MARCHF1: variants seen among roughly 807,000 people sequenced by gnomAD.
The protein encoded by MARCHF1 is E3 ubiquitin-protein ligase MARCHF1.
Under a neutral mutation model 54.2 loss-of-function variants are expected in MARCHF1, and 40 were observed. That is an observed-to-expected ratio of 0.74 (90% confidence interval 0.57 to 0.96). The LOEUF is 0.96. MARCHF1 is among the 40% of genes least tolerant of loss of function. MARCHF1 has a pLI of 0.00. For synonymous variants in MARCHF1, 236 were observed against 236.3 expected (o/e 1.00, Z 0.01); for missense variants, 586 against 656.5 (o/e 0.89, Z 1.17).
chr4:164,371,711 G>C (rs1731041700), intron 1 of MARCHF1, among the ~76,000 whole-genome samples: 1 of 152,122 alleles, frequency 6.6e-6, no homozygotes, highest in African/African-American at 2.4e-5. Flanking sequence ...CAAAAAGTTT[G>C]ATAATACGTT....
chr4:164,014,985 C>T (rs1318699763), intron 2 of MARCHF1, among the ~76,000 whole-genome samples: 1 of 152,064 alleles, frequency 6.6e-6, no homozygotes, highest in Non-Finnish European at 1.5e-5. Flanking sequence ...GACAGAAAAT[C>T]AACAAAGAGA....
chr4:164,147,072 A>C (rs1712905483), intron 1 of MARCHF1, among the ~76,000 whole-genome samples: 1 of 152,134 alleles, frequency 6.6e-6, no homozygotes, highest in East Asian at 1.9e-4. Flanking sequence ...CACATGAAAA[A>C]ATGCTCACCA....
intron 3 of MARCHF1, among the ~76,000 whole-genome samples, chr4:163,877,162 G>C (rs929972816): frequency 6.6e-6 from 1 of 152,072 alleles, no homozygotes; most frequent in African/African-American, 2.4e-5. Context: ...AGCATTATTT[G>C]TAAGCTTCTT....
At chr4:163,808,614 T>G (rs1274407181) in intron 4 of MARCHF1, among the ~76,000 whole-genome samples, 2 of 152,170 alleles carry the variant, frequency 1.3e-5, no homozygotes, top group East Asian at 3.9e-4. Flanking sequence ...TGTCACCCAG[T>G]CTGGAGTGCA....
chr4:164,022,347 T>TGGTTTACC (rs1212063819), intron 2 of MARCHF1, among the ~76,000 whole-genome samples: 3 of 152,148 alleles, frequency 2.0e-5, no homozygotes, highest in Admixed American at 1.3e-4. Context: ...GACCAAAATA[T>TGGTTTACC]AGAGTAAACC....
intron 7 of MARCHF1, among the ~76,000 whole-genome samples, chr4:163,594,411 C>T (rs1432744240): frequency 1.3e-5 from 2 of 151,132 alleles, no homozygotes; most frequent in African/African-American, 2.4e-5. Context: ...TATAATAATA[C>T]AATTAATTAC....
At chr4:164,046,896 G>A (rs1754254935) in intron 2 of MARCHF1, among the ~76,000 whole-genome samples, 1 of 152,132 alleles carries the variant, frequency 6.6e-6, no homozygotes, top group Non-Finnish European at 1.5e-5. Flanking sequence ...ATAGTGGAGA[G>A]TTGGGAAATG....
chr4:163,576,604 G>A (rs571358254), intron 8 of MARCHF1, among the ~76,000 whole-genome samples: 6 of 152,086 alleles, frequency 3.9e-5, no homozygotes, highest in African/African-American at 7.2e-5. Context: ...TTAATTTTCT[G>A]CCTCAATTAT....
In MARCHF1 at chr4:164,349,916, A is replaced by G. The variant is rs530283384; in HGVS notation, c.-323+33954T>C. On this transcript the variant is annotated intron_variant, in intron 1 of 9. Coordinates refer to ENST00000514618, the MANE Select transcript of MARCHF1 (RefSeq NM_001394959.1). ...TAGTGGTTAAAAAACTTACCTTTTG[A>G]AGTCAGAAACATGAAAGCTGGAATT... Among the ~76,000 whole-genome samples the G allele has an allele frequency of 3.9e-4, 59 of 152,186 alleles. 2 individuals are homozygous for G. The highest frequency in any genetic ancestry group is 1.0e-4 in the Non-Finnish European group (7 of 68,016).
intron 1 of MARCHF1, among the ~76,000 whole-genome samples, chr4:164,219,382 A>C (rs1477597877): frequency 6.6e-6 from 1 of 152,164 alleles, no homozygotes; most frequent in Non-Finnish European, 1.5e-5. Flanking sequence ...TTTTCATCTC[A>C]TCTAAAACCA....
At chr4:164,368,047 A>T (rs572853126) in intron 1 of MARCHF1, among the ~76,000 whole-genome samples, 1 of 37,528 alleles carries the variant, frequency 2.7e-5, no homozygotes, top group East Asian at 1.5e-3. Flanking sequence ...AAAAAGATTT[A>T]AAAAAAGACA....
At chr4:164,006,419 AGAG>A (rs1327803212) in intron 2 of MARCHF1, among the ~76,000 whole-genome samples, 2 of 152,012 alleles carry the variant, frequency 1.3e-5, no homozygotes. Context: ...ATACACAGTC[AGAG>A]GAGAAAAATG....
chr4:164,318,975 A>G (rs1322408482), intron 1 of MARCHF1, among the ~76,000 whole-genome samples: 5 of 152,202 alleles, frequency 3.3e-5, no homozygotes, highest in African/African-American at 1.2e-4. Flanking sequence ...TCTGCTTGAC[A>G]TTATAAAATA....
chr4:164,338,775 C>A (rs996724182), intron 1 of MARCHF1, among the ~76,000 whole-genome samples: 2 of 152,056 alleles, frequency 1.3e-5, no homozygotes, highest in Non-Finnish European at 2.9e-5. Flanking sequence ...GAGTTTGAGA[C>A]CAGCCTTACC....
chr4:164,117,393 C>A (rs989254493), intron 1 of MARCHF1, among the ~76,000 whole-genome samples: 5 of 151,892 alleles, frequency 3.3e-5, no homozygotes, highest in Non-Finnish European at 5.9e-5. Flanking sequence ...ATACAAGTTA[C>A]CTAGGAACAT....
chr4:163,696,226 G>A (rs1192741335), intron 5 of MARCHF1, among the ~76,000 whole-genome samples: 1 of 152,038 alleles, frequency 6.6e-6, no homozygotes, highest in Non-Finnish European at 1.5e-5. Flanking sequence ...ATAATATATG[G>A]TACAAAGATC....
At chr4:164,226,441 T>A (rs1016660103) in intron 1 of MARCHF1, among the ~76,000 whole-genome samples, 1 of 151,332 alleles carries the variant, frequency 6.6e-6, no homozygotes, top group African/African-American at 2.4e-5. Flanking sequence ...CAACTGAAAG[T>A]CACAAGTAGT....
intron 8 of MARCHF1, among the ~76,000 whole-genome samples, chr4:163,570,670 C>T (rs929492142): frequency 6.6e-6 from 1 of 152,078 alleles, no homozygotes; most frequent in Non-Finnish European, 1.5e-5. Flanking sequence ...GCCTTCAGAC[C>T]TCTTTTGTTT....
chr4:164,285,488 G>C (rs1427905523), intron 1 of MARCHF1, among the ~76,000 whole-genome samples: 1 of 151,796 alleles, frequency 6.6e-6, no homozygotes, highest in Admixed American at 6.6e-5. Flanking sequence ...TGTCGCCCAG[G>C]CTGGAGTGCA....
Sources: gnomAD v4.1 joint callset for allele counts (sites outside exome capture counted in the v4.1 genomes callset) on GRCh38, gnomAD v4.1.1 for gene constraint, MANE v1.5 for transcripts, NCBI Gene and HGNC (gene_info 2026-07-23, HGNC 2026-07-21) for gene names.